Variants in SNX30 observed in about 807,000 individuals in gnomAD.
SNX30 encodes the protein sorting nexin-30.
A neutral mutation model predicts 46.4 loss-of-function variants in SNX30; 24 were observed. That is an observed-to-expected ratio of 0.52 (90% CI 0.37 to 0.73). The LOEUF (loss-of-function observed/expected upper bound fraction) is 0.73. SNX30 is among the 30% of genes least tolerant of loss of function. The pLI, the probability that SNX30 is intolerant of heterozygous loss-of-function variation, is 0.00. For missense variants in SNX30, 533 were observed against 555.7 expected (o/e 0.96, Z 0.41); for synonymous variants, 189 against 211.5 (o/e 0.89, Z 0.92).
At chr9:112,759,773 A>G (rs955191785) in intron 1 of SNX30, among the ~76,000 whole-genome samples, 1 of 151,248 alleles carries the variant, frequency 6.6e-6, no homozygotes, top group African/African-American at 2.4e-5. Flanking sequence ...TGTTGTCTGG[A>G]TTTGAATCTC....
intron 3 of SNX30, among the ~76,000 whole-genome samples, chr9:112,826,542 A>T (rs1840581791): frequency 6.6e-6 from 1 of 152,156 alleles, no homozygotes; most frequent in African/African-American, 2.4e-5. Flanking sequence ...CAGGGAAGAG[A>T]TTAATGACAG....
intron 1 of SNX30, among the ~76,000 whole-genome samples, chr9:112,790,872 A>C (rs961689259): frequency 6.6e-6 from 1 of 152,208 alleles, no homozygotes; most frequent in Admixed American, 6.5e-5. Flanking sequence ...CCATGAACTC[A>C]TGTGGCAGAT....
At chr9:112,793,799 T>TG (rs1840063905) in intron 1 of SNX30, among the ~76,000 whole-genome samples, 2 of 145,604 alleles carry the variant, frequency 1.4e-5, no homozygotes, top group Admixed American at 1.4e-4. Flanking sequence ...CCTCCACTGT[T>TG]TTTTGTTTTT....
intron 1 of SNX30, among the ~76,000 whole-genome samples, chr9:112,758,938 C>G (rs1277026599): frequency 1.3e-5 from 2 of 152,100 alleles, no homozygotes; most frequent in African/African-American, 4.8e-5. Flanking sequence ...GAACTTGTCT[C>G]TATTAAACAC....
chr9:112,848,188 A>T (rs1472763556), intron 6 of SNX30, among the ~76,000 whole-genome samples: 1 of 150,386 alleles, frequency 6.6e-6, no homozygotes, highest in Non-Finnish European at 1.5e-5. Context: ...TCAGATGATG[A>T]CTCTCTTCTG....
At chr9:112,773,360 A>G (rs1839683545) in intron 1 of SNX30, among the ~76,000 whole-genome samples, 1 of 152,146 alleles carries the variant, frequency 6.6e-6, no homozygotes, top group Non-Finnish European at 1.5e-5. Context: ...CATATGAACA[A>G]CATACTTTAT....
chr9:112,845,790 C>T (rs1335602757), intron 6 of SNX30, among the ~76,000 whole-genome samples: 2 of 152,230 alleles, frequency 1.3e-5, no homozygotes, highest in South Asian at 4.1e-4. Flanking sequence ...GTCAACAAGC[C>T]CTCTGTGCAG....
rs183776745 is a variant in SNX30, at chr9:112,867,703, C to T, written c.1255-1081C>T. Among the ~76,000 whole-genome samples the T allele has an allele frequency of 1.3e-4, 19 of 150,628 alleles. No individual in the cohort carries two copies. The East Asian group carries it at 3.8e-3, about 30-fold the overall frequency. On this transcript the variant is annotated intron_variant, in intron 8 of 8. Coordinates refer to ENST00000374232, the MANE Select transcript of SNX30 (RefSeq NM_001012994.2). ...TCCCACCTCTTCAGAACTCCCGCTCCTCACACCTCTCCCACCCCCTCAGAA... is the reference window on the plus strand; with the variant it reads ...TCCCACCTCTTCAGAACTCCCGCTCTTCACACCTCTCCCACCCCCTCAGAA...
At chr9:112,780,940 A>G (rs1420811294) in intron 1 of SNX30, among the ~76,000 whole-genome samples, 1 of 152,182 alleles carries the variant, frequency 6.6e-6, no homozygotes, top group Non-Finnish European at 1.5e-5. Flanking sequence ...CAGTTCTGTT[A>G]TCAACATTTT....
chr9:112,877,577 C>T (rs1226625560), downstream of SNX30: 1 of 152,524 alleles, frequency 6.6e-6, no homozygotes, highest in Non-Finnish European at 1.5e-5. Flanking sequence ...AAATCTGAGT[C>T]ATTCTGGCCT....
chr9:112,842,643 G>A (rs1227549008), intron 6 of SNX30, among the ~76,000 whole-genome samples: 1 of 152,238 alleles, frequency 6.6e-6, no homozygotes, highest in Non-Finnish European at 1.5e-5. Context: ...TGACCAATCA[G>A]CTTGTAGCTG....
chr9:112,794,234 C>G (rs1840072076), intron 1 of SNX30, among the ~76,000 whole-genome samples: 1 of 151,906 alleles, frequency 6.6e-6, no homozygotes, highest in Admixed American at 6.6e-5. Context: ...GTCACTGCAC[C>G]CGCCGCCTCC....
At chr9:112,780,617 G>A (rs1275659361) in intron 1 of SNX30, among the ~76,000 whole-genome samples, 1 of 152,150 alleles carries the variant, frequency 6.6e-6, no homozygotes, top group Non-Finnish European at 1.5e-5. Context: ...CCTTGGTGTG[G>A]TAGCGCCATC....
At chr9:112,779,836 C>T (rs10817381) in intron 1 of SNX30, among the ~76,000 whole-genome samples, 2,608 of 152,234 alleles carry the variant, frequency 0.017, 58 homozygotes, top group East Asian at 0.12. Context: ...TCATACTGTA[C>T]GAGAGAGGCA....
chr9:112,832,982 G>A (rs1840693096), intron 4 of SNX30, among the ~76,000 whole-genome samples: 1 of 151,570 alleles, frequency 6.6e-6, no homozygotes, highest in African/African-American at 2.4e-5. Context: ...CCCTAATTCA[G>A]TATCGCTTGC....
intron 3 of SNX30, among the ~76,000 whole-genome samples, chr9:112,823,862 C>G (rs1840542388): frequency 6.6e-6 from 1 of 152,148 alleles, no homozygotes; most frequent in East Asian, 1.9e-4. Flanking sequence ...CTTCCTAATG[C>G]TTTGCATTAA....
intron 4 of SNX30, among the ~76,000 whole-genome samples, chr9:112,832,855 A>AT (rs1840690720): frequency 6.8e-6 from 1 of 146,994 alleles, no homozygotes; most frequent in Admixed American, 6.9e-5. Context: ...TATAATATAT[A>AT]ATAAATATAA....
chr9:112,865,580 C>CTGTA (rs1473098719), intron 8 of SNX30, among the ~76,000 whole-genome samples: 4 of 145,466 alleles, frequency 2.7e-5, no homozygotes, highest in African/African-American at 7.7e-5. Context: ...TTGTGCACTA[C>CTGTA]TGTACTCCAA....
intron 1 of SNX30, among the ~76,000 whole-genome samples, chr9:112,786,982 C>T (rs1839939709): frequency 6.6e-6 from 1 of 152,106 alleles, no homozygotes; most frequent in South Asian, 2.1e-4. Context: ...AACACGCTAA[C>T]CATGGGAATA....
Sources: gnomAD v4.1 joint callset for allele counts (sites outside exome capture counted in the v4.1 genomes callset) on GRCh38, gnomAD v4.1.1 for gene constraint, MANE v1.5 for transcripts, NCBI Gene and HGNC (gene_info 2026-07-23, HGNC 2026-07-21) for gene names.